Variants in NOL4 observed in about 807,000 individuals in gnomAD.
NOL4 encodes the protein nucleolar protein 4.
In NOL4, 17 loss-of-function variants were observed where a neutral mutation model predicts 75.9. The ratio of observed to expected loss-of-function variants is 0.22; its 90% CI spans 0.15 to 0.34. The LOEUF is 0.34. NOL4 is among the 10% of genes least tolerant of loss of function. The pLI is 1.00. For synonymous variants in NOL4, 292 were observed against 289.9 expected (o/e 1.01, Z -0.07); for missense variants, 614 against 793.5 (o/e 0.77, Z 2.72).
At chr18:34,155,028 A>G (rs749830726) in intron 1 of NOL4, among the ~76,000 whole-genome samples, 2 of 151,952 alleles carry the variant, frequency 1.3e-5, no homozygotes, top group Non-Finnish European at 2.9e-5. Context: ...AAGTCTGAAT[A>G]CGAATCTTTT....
intron 2 of NOL4, among the ~76,000 whole-genome samples, chr18:34,105,566 A>G (rs1401334916): frequency 6.6e-6 from 1 of 152,028 alleles, no homozygotes; most frequent in East Asian, 1.9e-4. Flanking sequence ...TTTAGCCCCA[A>G]GTAGGAGCAA....
chr18:33,894,539 C>A (rs540855611), intron 9 of NOL4, among the ~76,000 whole-genome samples: 1 of 152,230 alleles, frequency 6.6e-6, no homozygotes, highest in African/African-American at 2.4e-5. Context: ...TAAATCCAGA[C>A]AACCAATGAC....
chr18:33,979,752 C>G (rs922045277), intron 6 of NOL4, among the ~76,000 whole-genome samples: 13 of 151,966 alleles, frequency 8.6e-5, no homozygotes, highest in African/African-American at 3.1e-4. Flanking sequence ...AACTTTCATT[C>G]TGGTTAGCTT....
chr18:33,936,782 T>C (rs1460442969), intron 9 of NOL4, among the ~76,000 whole-genome samples: 3 of 152,092 alleles, frequency 2.0e-5, no homozygotes, highest in African/African-American at 7.2e-5. Context: ...CCAGAAACTT[T>C]CTACCTTAAT....
At chr18:34,210,783 C>A (rs887275687) in intron 1 of NOL4, among the ~76,000 whole-genome samples, 1 of 152,058 alleles carries the variant, frequency 6.6e-6, no homozygotes, top group Non-Finnish European at 1.5e-5. Flanking sequence ...TAGAGAGTGA[C>A]CTTTTTTATT....
At chr18:33,880,045 C>T (rs1021229253) in intron 10 of NOL4, among the ~76,000 whole-genome samples, 5 of 152,080 alleles carry the variant, frequency 3.3e-5, no homozygotes, top group African/African-American at 9.6e-5. Flanking sequence ...TTTACTAAAC[C>T]GATGGGTAGA....
chr18:34,113,113 G>A (rs2079681354), intron 2 of NOL4, among the ~76,000 whole-genome samples: 1 of 152,006 alleles, frequency 6.6e-6, no homozygotes, highest in African/African-American at 2.4e-5. Flanking sequence ...AGGACTACAG[G>A]TGCGGACCAC....
In NOL4 at chr18:33,957,407, A is replaced by G. The variant is rs1333091581; in HGVS notation, c.1347T>C (p.Pro449=). Residue 449 remains proline (P), a synonymous_variant, in exon 8 of 11, where the codon CCT becomes CCC. Coordinates refer to ENST00000261592, the MANE Select transcript of NOL4 (RefSeq NM_003787.5). ...GTTTTCTGGCACGCTCTTGATACTC[A>G]GGGAATTGTCGCCTGCATGAGTCAA... ...AIIDSCRRQF[P]EYQERARKRI... 1 of 1,613,624 alleles carries G rather than the reference A, an allele frequency of 6.2e-7. No individual in the cohort carries two copies.
At chr18:34,130,894 C>G (rs2080612112) in intron 1 of NOL4, among the ~76,000 whole-genome samples, 1 of 151,914 alleles carries the variant, frequency 6.6e-6, no homozygotes, top group African/African-American at 2.4e-5. Flanking sequence ...GGAGTTGGAG[C>G]CAGGCAAAAG....
intron 10 of NOL4, among the ~76,000 whole-genome samples, chr18:33,868,101 G>A (rs1296199189): frequency 6.6e-6 from 1 of 150,556 alleles, no homozygotes; most frequent in Non-Finnish European, 1.5e-5. Context: ...GGAGTGACAT[G>A]ATCATGACTC....
chr18:34,213,038 C>T (rs1181993105), intron 1 of NOL4, among the ~76,000 whole-genome samples: 1 of 152,064 alleles, frequency 6.6e-6, no homozygotes, highest in East Asian at 1.9e-4. Flanking sequence ...AGATGCTGCC[C>T]ACACTCAAAG....
chr18:34,106,332 C>T (rs1600608576), intron 2 of NOL4, among the ~76,000 whole-genome samples: 1 of 151,986 alleles, frequency 6.6e-6, no homozygotes, highest in Non-Finnish European at 1.5e-5. Flanking sequence ...AATTGTAAAG[C>T]TCATTTTTCT....
chr18:33,909,388 T>C (rs1470146938), intron 9 of NOL4, among the ~76,000 whole-genome samples: 2 of 152,140 alleles, frequency 1.3e-5, no homozygotes, highest in Non-Finnish European at 1.5e-5. Flanking sequence ...AATTAAAACC[T>C]TTTCCTAAGT....
At chr18:33,932,557 T>C (rs12971236) in intron 9 of NOL4, among the ~76,000 whole-genome samples, 30,592 of 151,984 alleles carry the variant, frequency 0.2, 3,549 homozygotes, top group East Asian at 0.41. Context: ...CATTTTCATA[T>C]GCAAATTATG....
At chr18:34,203,709 T>A (rs1282493045) in intron 1 of NOL4, among the ~76,000 whole-genome samples, 9 of 103,070 alleles carry the variant, frequency 8.7e-5, no homozygotes, top group Admixed American at 8.6e-4. Flanking sequence ...TCTCTCTCTC[T>A]CTCTCTCTCA....
chr18:34,119,684 C>T (rs1176642119), intron 2 of NOL4, among the ~76,000 whole-genome samples: 2 of 152,050 alleles, frequency 1.3e-5, no homozygotes, highest in African/African-American at 4.8e-5. Flanking sequence ...TGCAGTGGCG[C>T]GATCTCGGCT....
intron 2 of NOL4, among the ~76,000 whole-genome samples, chr18:34,118,345 A>T (rs941901566): frequency 6.6e-6 from 1 of 152,170 alleles, no homozygotes; most frequent in Non-Finnish European, 1.5e-5. Flanking sequence ...TCCTAGTGAA[A>T]TTTTTTTATC....
intron 10 of NOL4, among the ~76,000 whole-genome samples, chr18:33,862,612 A>G (rs1368034193): frequency 6.6e-6 from 1 of 152,256 alleles, no homozygotes; most frequent in Non-Finnish European, 1.5e-5. Context: ...TGGACAAAGG[A>G]CACGAACAGA....
intron 1 of NOL4, among the ~76,000 whole-genome samples, chr18:34,165,558 A>G (rs981685703): frequency 1.3e-5 from 2 of 152,172 alleles, no homozygotes; most frequent in African/African-American, 4.8e-5. Flanking sequence ...CTGTCAATGC[A>G]CAATATATAG....
Sources: allele counts gnomAD v4.1 joint callset (sites outside exome capture counted in the v4.1 genomes callset), GRCh38; gene constraint gnomAD v4.1.1; transcripts MANE v1.5; gene names NCBI Gene and HGNC (gene_info 2026-07-23, HGNC 2026-07-21).